Variants in IGF2 observed in about 807,000 individuals in gnomAD.
IGF2 encodes the protein insulin-like growth factor 2.
IGF2 carries 2 observed loss-of-function variants against 12.0 expected under a neutral mutation model. That is an observed-to-expected ratio of 0.17 (90% CI 0.07 to 0.52). The LOEUF (loss-of-function observed/expected upper bound fraction) is 0.52. Ranked by LOEUF, IGF2 falls within the 20% of genes least tolerant of loss-of-function variation. The pLI, the probability that IGF2 is intolerant of heterozygous loss-of-function variation, is 0.95. For synonymous variants in IGF2, 105 were observed against 110.1 expected, an observed-to-expected ratio of 0.95 and a Z score of 0.29; for missense variants, 211 against 268.0, an observed-to-expected ratio of 0.79 and a Z score of 1.48.
At chr11:2,140,077 G>C (rs1025382536), upstream of IGF2, 9 of 1,552,642 alleles carry the variant, frequency 5.8e-6, no homozygotes, top group Non-Finnish European at 7.9e-6. Context: ...GGAGCCTACG[G>C]AGGCTCCGGC....
intron 2 of IGF2, chr11:2,134,146 C>T (rs781109245): frequency 9.7e-6 from 5 of 514,526 alleles, no homozygotes; most frequent in South Asian, 4.4e-5. Flanking sequence ...GAGGAGAAGA[C>T]GGGAGGAGAG....
upstream of IGF2, chr11:2,141,133 C>T (rs1564901719): frequency 1.6e-5 from 3 of 186,018 alleles, no homozygotes; most frequent in African/African-American, 2.4e-5. Flanking sequence ...GTTTGGGCAA[C>T]GCTAGAGAGA....
chr11:2,135,525 G>C lies in IGF2; in HGVS notation c.-2C>G, dbSNP rs780431646. ...CGACTTCCCCATTGGGATTCCCATT[G>C]GTGTCTGGGGGCGGGAGAGAAGTGG... On this transcript the variant is annotated 5_prime_UTR_variant, in exon 2 of 4. Transcript: ENST00000416167. The C allele has an allele frequency of 3.1e-6, 5 of 1,612,644 alleles. No individual in the cohort carries two copies. In the African/African-American group the frequency reaches 6.7e-5, roughly 22 times the overall value.
intron 1 of IGF2, among the ~76,000 whole-genome samples, chr11:2,137,531 G>GT (rs1859161905): frequency 1.3e-5 from 1 of 79,858 alleles, no homozygotes; most frequent in Non-Finnish European, 3.0e-5. Flanking sequence ...GGCAGTGAAG[G>GT]GGGGGGGGGT....
intron 1 of IGF2, among the ~76,000 whole-genome samples, chr11:2,136,337 C>T (rs1859048428): frequency 6.6e-6 from 1 of 152,254 alleles, no homozygotes; most frequent in African/African-American, 2.4e-5. Flanking sequence ...TCCAGAACAT[C>T]TCCCTATTTG....
At chr11:2,146,017 G>A (rs1859909838), upstream of IGF2, among the ~76,000 whole-genome samples, 1 of 152,034 alleles carries the variant, frequency 6.6e-6, no homozygotes, top group South Asian at 2.1e-4. Flanking sequence ...AGGAACTTTA[G>A]CCCCAAGCAG....
chr11:2,148,733 G>A, the IGF2 span: 30 of 210,742 alleles, frequency 1.4e-4, no homozygotes, highest in African/African-American at 3.9e-4. The surrounding 1 kb of genome is among the most constrained non-coding windows in gnomAD (Gnocchi z 4.3). Context: ...GGGATGCAAC[G>A]GGAGGAAACT....
Position 2,138,770 on chromosome 11 carries a change from G to T in IGF2, c.-548C>A. The T allele has an allele frequency of 1.1e-6, 1 of 939,276 alleles. No homozygotes were observed. The highest frequency in any genetic ancestry group is 1.3e-6 in the Non-Finnish European group (1 of 790,988). The allele number at this position is 939,276 out of a possible 1,614,324, so 58.2% of individuals were successfully genotyped here. A position where few individuals can be genotyped will look rare whatever the true frequency, so the allele number is the denominator to read the frequency against. ...AGGGAGCGAAGGGAAGGTTGCGGGAGAAAGAGCGGGGGCCGGGGCCAGACG... is the reference window on the plus strand; with the variant it reads ...AGGGAGCGAAGGGAAGGTTGCGGGATAAAGAGCGGGGGCCGGGGCCAGACG... On this transcript the variant is annotated 5_prime_UTR_variant, in exon 1 of 4. Transcript: ENST00000416167.
At chr11:2,136,608 G>A (rs1859076150) in intron 1 of IGF2, among the ~76,000 whole-genome samples, 1 of 152,270 alleles carries the variant, frequency 6.6e-6, no homozygotes. Flanking sequence ...CAGACCCAGG[G>A]GAGTTTTTGA....
At chr11:2,136,987 A>C (rs1333323046) in intron 1 of IGF2, among the ~76,000 whole-genome samples, 2 of 152,088 alleles carry the variant, frequency 1.3e-5, no homozygotes, top group African/African-American at 2.4e-5. Flanking sequence ...GGGAAGGAAC[A>C]GAAAGGGAAG....
Position 2,138,444 on chromosome 11 carries a change from T to A in IGF2, c.-222A>T. On this transcript the variant is annotated 5_prime_UTR_variant, in exon 1 of 4. Transcript: ENST00000416167. ...CAGGGAGGACGGGCTGTCTTCGGGCTGGGGCGGGCCAGATGTTGTACTTTT... is the reference window on the plus strand; with the variant it reads ...CAGGGAGGACGGGCTGTCTTCGGGCAGGGGCGGGCCAGATGTTGTACTTTT... 1.2e-6 allele frequency: 1 copy of A among 801,102 alleles called. No homozygotes were observed. Among genetic ancestry groups the A allele is most frequent in the Non-Finnish European group, 1.5e-6 (1 of 686,310 alleles). 49.6% of individuals were successfully genotyped at this position (801,102 alleles called of 1,614,324 possible).
Position 2,132,036 on chromosome 11 carries a change from G to GTA in IGF2, c.*950_*951insTA, listed in dbSNP as rs1174146028. ...TGCTCATCTGTGTGCTGTGTGTGCT[G>GTA]TGCGTTTGTGTGTGTGCTGTGCTCG... On this transcript the variant is annotated 3_prime_UTR_variant, in exon 4 of 4. Coordinates refer to ENST00000416167, the MANE Select transcript of IGF2 (RefSeq NM_000612.6). The GTA allele has an allele frequency of 1.3e-4, 23 of 179,580 alleles. No individual in the cohort carries two copies. Among genetic ancestry groups the GTA allele is most frequent in the East Asian group, 4.0e-4 (5 of 12,558 alleles). The allele number at this position is 179,580 out of a possible 1,614,324, so 11.1% of individuals were successfully genotyped here. A position where few individuals can be genotyped will look rare whatever the true frequency, so the allele number is the denominator to read the frequency against.
At chr11:2,144,727 A>G (rs1233584943), upstream of IGF2, among the ~76,000 whole-genome samples, 1 of 139,344 alleles carries the variant, frequency 7.2e-6, no homozygotes, top group Non-Finnish European at 1.6e-5. Context: ...GCGTTGGGCA[A>G]TGTCGGGCGA....
chr11:2,139,885 C>A (rs1322560910), upstream of IGF2, among the ~76,000 whole-genome samples: 1 of 152,050 alleles, frequency 6.6e-6, no homozygotes, highest in Non-Finnish European at 1.5e-5. Flanking sequence ...CTGAGGGGGC[C>A]CCTGGGCTCG....
At position 2,131,882 on chromosome 11, in the gene IGF2, GCGTTTGTGTGTGCTGT is replaced by G. The variant is rs1310745366; in HGVS notation, c.*1089_*1104del. On this transcript the variant is annotated 3_prime_UTR_variant, in exon 4 of 4. Coordinates refer to ENST00000416167, the MANE Select transcript of IGF2 (RefSeq NM_000612.6). ...TGTGCTGTGTGTGCGTGTGTGCTGT[GCGTTTGTGTGTGCTGT>G]GCGTTTGTGTGTGTGCTGTGTGTGC... The G allele has an allele frequency of 3.4e-5, 6 of 178,308 alleles. No homozygotes were observed. Among genetic ancestry groups the G allele is most frequent in the African/African-American group, 1.9e-4 (6 of 30,784 alleles). 11.0% of individuals were successfully genotyped at this position (178,308 alleles called of 1,614,324 possible). A position where few individuals can be genotyped will look rare whatever the true frequency, so the allele number is the denominator to read the frequency against.
At chr11:2,146,272 G>A in the IGF2 span, 35 of 534,530 alleles carry the variant, frequency 6.5e-5, no homozygotes, top group South Asian at 3.2e-4. Context: ...CCGCTCCGCC[G>A]TCCGTGGGAC....
In IGF2 at chr11:2,133,126, C is replaced by T. The variant is rs1260271030; in HGVS notation, c.404G>A (p.Arg135His). The T allele has an allele frequency of 1.3e-5, 21 of 1,605,692 alleles. No individual in the cohort carries two copies. Among genetic ancestry groups the T allele is most frequent in the South Asian group, 2.2e-5 (2 of 90,414 alleles). Residue 135 changes from arginine (R) to histidine (H), a missense_variant, in exon 4 of 4, where the codon CGT (arginine) becomes CAT (histidine). Transcript: ENST00000416167. The surrounding 1 kb of genome is among the most constrained non-coding windows in gnomAD (Gnocchi z 8.9). ...RLRRGLPALLRARRGHVLAKE... is the reference protein window; with the variant it reads ...RLRRGLPALLHARRGHVLAKE... ...GGCGAGCACGTGACCCCGGCGGGCA[C>T]GCAGGAGGGCAGGCAGGCCCCTGCG... is the stretch of plus-strand genomic sequence containing the variant.
chr11:2,131,676 ATG>A lies in IGF2; in HGVS notation c.*1309_*1310del, dbSNP rs141204597. The A allele has an allele frequency of 0.015, 2,168 of 140,886 alleles. 19 individuals carry two copies. The highest frequency in any genetic ancestry group is 0.021 in the Non-Finnish European group (1,596 of 76,764). 8.7% of individuals were successfully genotyped at this position (140,886 alleles called of 1,614,324 possible). A position where few individuals can be genotyped will look rare whatever the true frequency, so the allele number is the denominator to read the frequency against. On this transcript the variant is annotated 3_prime_UTR_variant, in exon 4 of 4. Coordinates refer to ENST00000416167, the MANE Select transcript of IGF2 (RefSeq NM_000612.6). ...TGCTGTGTGTGCGTGTGCTGTGTGC[ATG>A]TGTGTGCTGTGTTTGTGTGTGTGCT...
intron 2 of IGF2, among the ~76,000 whole-genome samples, chr11:2,134,779 A>G (rs1326459316): frequency 1.3e-5 from 2 of 152,114 alleles, no homozygotes; most frequent in African/African-American, 4.8e-5. Context: ...AGGCTGGAGA[A>G]CCAAGAGAGA....
Sources: gnomAD v4.1 joint callset for allele counts (sites outside exome capture counted in the v4.1 genomes callset) on GRCh38, gnomAD v4.1.1 for gene constraint, Gnocchi (gnomAD v3.1) non-coding constraint, MANE v1.5 for transcripts, NCBI Gene and HGNC (gene_info 2026-07-23, HGNC 2026-07-21) for gene names.